CLIP1: variants seen among roughly 807,000 people sequenced by gnomAD.
The protein encoded by CLIP1 is CAP-Gly domain containing linker protein 1, also known as CAP-Gly domain-containing linker protein 1.
A neutral mutation model predicts 161.6 loss-of-function variants in CLIP1; 66 were observed. The ratio of observed to expected loss-of-function variants is 0.41; its 90% CI spans 0.33 to 0.50. The LOEUF is 0.50. CLIP1 is among the 20% of genes least tolerant of loss of function. CLIP1 has a pLI of 0.27. For missense variants in CLIP1, 1,376 were observed against 1,702.0 expected (o/e 0.81, Z 3.37); for synonymous variants, 598 against 626.2 (o/e 0.96, Z 0.67).
At chr12:122,293,264 C>T (rs1225079902) in intron 20 of CLIP1, among the ~76,000 whole-genome samples, 1 of 152,032 alleles carries the variant, frequency 6.6e-6, no homozygotes, top group Non-Finnish European at 1.5e-5. Context: ...AGAACGCAAA[C>T]TGAAACCACA....
At chr12:122,404,313 T>C (rs1360554236) in intron 1 of CLIP1, among the ~76,000 whole-genome samples, 1 of 152,102 alleles carries the variant, frequency 6.6e-6, no homozygotes, top group Non-Finnish European at 1.5e-5. Flanking sequence ...GGTAACAGAA[T>C]AGGCCGGGTG....
rs189137131 is a variant in CLIP1, at chr12:122,361,627, G to C, written c.783-446C>G. On this transcript the variant is annotated intron_variant, in intron 4 of 25. Coordinates refer to ENST00000620786, the MANE Select transcript of CLIP1 (RefSeq NM_001247997.2). Reference sequence around the variant, plus strand: ...CACGCCTGTAATCCCAGCACTGTGGGAGGCCGAGGCGGCAGATCACTTGAG... The same window carrying C: ...CACGCCTGTAATCCCAGCACTGTGGCAGGCCGAGGCGGCAGATCACTTGAG... 3.8e-3 allele frequency among the ~76,000 whole-genome samples: 572 copies of C among 152,300 alleles called. 2 individuals carry two copies. Among genetic ancestry groups the C allele is most frequent in the African/African-American group, 0.013 (547 of 41,556 alleles).
intron 1 of CLIP1, among the ~76,000 whole-genome samples, chr12:122,386,580 T>C (rs889994941): frequency 3.9e-5 from 6 of 152,200 alleles, no homozygotes; most frequent in East Asian, 3.9e-4. Flanking sequence ...TTTTCAACAG[T>C]GACCAAAGAG....
At position 122,355,656 on chromosome 12, in the gene CLIP1, T is replaced by G. The variant is rs1051336059; in HGVS notation, c.1006-344A>C. 6 of 223,282 alleles carry G rather than the reference T, an allele frequency of 2.7e-5. No homozygotes were observed. Among genetic ancestry groups the G allele is most frequent in the African/African-American group, 1.2e-4 (5 of 42,938 alleles). 13.8% of individuals were successfully genotyped at this position (223,282 alleles called of 1,614,324 possible). A position where few individuals can be genotyped will look rare whatever the true frequency, so the allele number is the denominator to read the frequency against. On this transcript the variant is annotated intron_variant, in intron 5 of 25. Coordinates refer to ENST00000620786, the MANE Select transcript of CLIP1 (RefSeq NM_001247997.2). The surrounding 1 kb of genome is among the most constrained non-coding windows in gnomAD (Gnocchi z 4.1). ...CCCATCTCTACTAAAAATACAAAAA[T>G]TAGCTGGAGTGCAGTGGTGCGATCT...
intron 1 of CLIP1, among the ~76,000 whole-genome samples, chr12:122,389,758 C>CAAAAAAAA (rs57168188): frequency 0.027 from 1,883 of 68,978 alleles, 342 homozygotes; most frequent in Middle Eastern, 0.075. Context: ...GATCCTGTCT[C>CAAAAAAAA]AAAAAAAAAA....
At chr12:122,328,885 G>A (rs1951818007) in intron 15 of CLIP1, among the ~76,000 whole-genome samples, 1 of 152,108 alleles carries the variant, frequency 6.6e-6, no homozygotes, top group African/African-American at 2.4e-5. Flanking sequence ...CTGGGCACAA[G>A]AAATTTTAAA....
Position 122,309,777 on chromosome 12 carries a change from G to A in CLIP1, c.3579C>T (p.Val1193=). The A allele has an allele frequency of 1.9e-6, 3 of 1,612,668 alleles. No individual in the cohort carries two copies. Among genetic ancestry groups the A allele is most frequent in the African/African-American group, 1.3e-5 (1 of 74,994 alleles). Residue 1193 remains valine (V), a synonymous_variant, in exon 20 of 26, where the codon GTC becomes GTT. Coordinates refer to ENST00000620786, the MANE Select transcript of CLIP1 (RefSeq NM_001247997.2). ...GGACACTGACCTTTTGATGACTTGT[G>A]ACTTCGTCCCTGCTTCTCCCCAGCT... ...AEELGRSRDE[V]TSHQKLEEER...
At chr12:122,296,861 CAAAA>C (rs56071033) in intron 20 of CLIP1, among the ~76,000 whole-genome samples, 3 of 58,262 alleles carry the variant, frequency 5.1e-5, no homozygotes, top group African/African-American at 9.3e-5. Flanking sequence ...GAGACTACCT[CAAAA>C]AAAAAAAAAA....
chr12:122,312,385 G>T (rs1448249408), intron 19 of CLIP1, among the ~76,000 whole-genome samples: 1 of 152,204 alleles, frequency 6.6e-6, no homozygotes, highest in African/African-American at 2.4e-5. Flanking sequence ...AAGCAGCCTT[G>T]TAAGTGGCAC....
chr12:122,315,212 T>C (rs1951214280), intron 19 of CLIP1, among the ~76,000 whole-genome samples: 1 of 152,204 alleles, frequency 6.6e-6, no homozygotes, highest in African/African-American at 2.4e-5. Context: ...TGTTTTTGCT[T>C]GAATCTCATC....
rs1469869273 is a variant in CLIP1, at chr12:122,372,513, C to T, written c.657+4876G>A. 1.1e-4 allele frequency among the ~76,000 whole-genome samples: 16 copies of T among 150,306 alleles called. No homozygotes were observed. In the Admixed American group the frequency reaches 1.1e-3, roughly 10 times the overall value. The stretch of plus-strand genomic sequence containing the variant: ...GAGGCAGGAGAATCGCTTGAACTCA[C>T]GGGGCAGAGGATGCAGTGAACTGAG... On this transcript the variant is annotated intron_variant, in intron 3 of 25. Coordinates refer to ENST00000620786, the MANE Select transcript of CLIP1 (RefSeq NM_001247997.2).
intron 20 of CLIP1, among the ~76,000 whole-genome samples, chr12:122,294,333 A>AC (rs1950382992): frequency 1.4e-5 from 2 of 143,776 alleles, no homozygotes; most frequent in Admixed American, 7.2e-5. Context: ...TGTCTCAAAA[A>AC]AAAAAAAAAA....
At chr12:122,411,072 A>G (rs1956512632) in intron 1 of CLIP1, among the ~76,000 whole-genome samples, 1 of 152,152 alleles carries the variant, frequency 6.6e-6, no homozygotes, top group Admixed American at 6.6e-5. Flanking sequence ...ATTCTATAAC[A>G]TTCTTAGGTA....
intron 10 of CLIP1, 90 bp downstream of exon 10, chr12:122,347,285 C>T (rs1952795755): frequency 1.0e-6 from 1 of 959,574 alleles, no homozygotes; most frequent in Non-Finnish European, 1.6e-6. Context: ...ACCACTGGGT[C>T]AAGGCTCAGG....
At chr12:122,334,991 A>G (rs961499007) in intron 12 of CLIP1, among the ~76,000 whole-genome samples, 1 of 152,226 alleles carries the variant, frequency 6.6e-6, no homozygotes, top group Non-Finnish European at 1.5e-5. Flanking sequence ...AAGTACATGC[A>G]TGTGCGTGTA....
At chr12:122,328,203 G>A (rs754425099) in intron 16 of CLIP1, 41 bp from the exon 17 acceptor site, 1 of 1,613,212 alleles carries the variant, frequency 6.2e-7, no homozygotes, top group Non-Finnish European at 8.5e-7. Context: ...ATCTGCCCAT[G>A]CGTGTACTAT....
intron 20 of CLIP1, among the ~76,000 whole-genome samples, chr12:122,297,142 G>A (rs11614803): frequency 0.038 from 5,741 of 152,216 alleles, 161 homozygotes; most frequent in Non-Finnish European, 0.052. Flanking sequence ...ATAGTTCGGG[G>A]AACACTGGAC....
At chr12:122,386,201 G>A (rs1027100571) in intron 1 of CLIP1, among the ~76,000 whole-genome samples, 7 of 151,996 alleles carry the variant, frequency 4.6e-5, no homozygotes, top group African/African-American at 9.7e-5. Flanking sequence ...TAGGAGGACC[G>A]CTTGAACCCA....
intron 12 of CLIP1, among the ~76,000 whole-genome samples, chr12:122,335,483 C>G (rs1324429032): frequency 6.6e-6 from 1 of 151,138 alleles, no homozygotes; most frequent in Non-Finnish European, 1.5e-5. Context: ...GGGAGGAGGG[C>G]AGAGAAGCAA....
Sources: allele counts gnomAD v4.1 joint callset (sites outside exome capture counted in the v4.1 genomes callset), GRCh38; gene constraint gnomAD v4.1.1; non-coding constraint Gnocchi (gnomAD v3.1); transcripts MANE v1.5; gene names NCBI Gene and HGNC (gene_info 2026-07-23, HGNC 2026-07-21).